SHROOM3: variants seen among roughly 807,000 people sequenced by gnomAD.
The protein encoded by SHROOM3 is protein Shroom3.
In SHROOM3, 47 loss-of-function variants were observed where a neutral mutation model predicts 138.6. That is an observed-to-expected ratio of 0.34 (90% confidence interval 0.27 to 0.43). SHROOM3 has a LOEUF of 0.43. Ranked by LOEUF, SHROOM3 falls within the 20% of genes least tolerant of loss-of-function variation. SHROOM3 has a pLI of 1.00. For synonymous variants in SHROOM3, 1,062 were observed against 1,063.3 expected (o/e 1.00, Z 0.02); for missense variants, 2,491 against 2,596.5 (o/e 0.96, Z 0.88).
chr4:76,533,098 A>C (rs565651308), intron 1 of SHROOM3, among the ~76,000 whole-genome samples: 2 of 152,184 alleles, frequency 1.3e-5, no homozygotes, highest in Non-Finnish European at 2.9e-5. Flanking sequence ...AAACTGATGC[A>C]TTGTTTATTT....
At chr4:76,555,321 A>G (rs933902848) in intron 1 of SHROOM3, among the ~76,000 whole-genome samples, 2 of 151,934 alleles carry the variant, frequency 1.3e-5, no homozygotes, top group African/African-American at 4.8e-5. Context: ...AGATGTCCTG[A>G]GCACCGTGGG....
intron 3 of SHROOM3, among the ~76,000 whole-genome samples, chr4:76,714,964 G>A (rs1720330829): frequency 6.6e-6 from 1 of 152,094 alleles, no homozygotes; most frequent in African/African-American, 2.4e-5. Flanking sequence ...TTGGAAATGT[G>A]GAAAAGGATG....
intron 1 of SHROOM3, among the ~76,000 whole-genome samples, chr4:76,503,492 G>A (rs1305247287): frequency 1.3e-5 from 2 of 152,108 alleles, no homozygotes; most frequent in Admixed American, 6.5e-5. Context: ...ACAGTGGCAT[G>A]ATCTCAGCTC....
chr4:76,722,862 C>T (rs999054048), intron 3 of SHROOM3, among the ~76,000 whole-genome samples: 9 of 151,558 alleles, frequency 5.9e-5, no homozygotes, highest in South Asian at 4.2e-4. Context: ...CATAGTATTG[C>T]GCACTAAACA....
chr4:76,435,784 A>G lies in SHROOM3; in HGVS notation c.-269A>G. The G allele has an allele frequency of 2.3e-6, 1 of 427,784 alleles. No homozygotes were observed. The highest frequency in any genetic ancestry group is 4.2e-5 in the East Asian group (1 of 23,998). The allele number at this position is 427,784 out of a possible 1,614,324, so 26.5% of individuals were successfully genotyped here. ...GGAAGTTTTGACGAACGGAGTAGAG[A>G]TGTATACCACTTGGGGGCTTCAGTG... On this transcript the variant is annotated 5_prime_UTR_variant, in exon 1 of 11. It removes an upstream start codon present in the reference 5' UTR. Coordinates refer to ENST00000296043, the MANE Select transcript of SHROOM3 (RefSeq NM_020859.4).
intron 1 of SHROOM3, among the ~76,000 whole-genome samples, chr4:76,469,720 G>A (rs1731328528): frequency 6.6e-6 from 1 of 152,216 alleles, no homozygotes; most frequent in Admixed American, 6.5e-5. Context: ...GCCTCCCAAA[G>A]TGCTGGGATT....
At chr4:76,609,323 T>C (rs891634127) in intron 2 of SHROOM3, among the ~76,000 whole-genome samples, 1 of 152,186 alleles carries the variant, frequency 6.6e-6, no homozygotes, top group African/African-American at 2.4e-5. Context: ...AGGATCTTGC[T>C]CTGTCAGCCA....
At chr4:76,757,535 G>T (rs1189818553) in intron 8 of SHROOM3, among the ~76,000 whole-genome samples, 3 of 152,228 alleles carry the variant, frequency 2.0e-5, no homozygotes, top group Non-Finnish European at 4.4e-5. Flanking sequence ...ACTGAGAGGG[G>T]AAGGGCTTTG....
chr4:76,752,850 C>T (rs1489658591), intron 6 of SHROOM3, among the ~76,000 whole-genome samples: 1 of 152,160 alleles, frequency 6.6e-6, no homozygotes, highest in East Asian at 1.9e-4. Context: ...ATGTCTTCCC[C>T]TTTAGAAAAG....
At chr4:76,456,640 TC>T (rs1356116575) in intron 1 of SHROOM3, among the ~76,000 whole-genome samples, 1 of 152,228 alleles carries the variant, frequency 6.6e-6, no homozygotes. Context: ...ACTATGTCTA[TC>T]AACTATGGGG....
At chr4:76,628,853 T>C (rs1337759161) in intron 2 of SHROOM3, 1 of 151,962 alleles carries the variant, frequency 6.6e-6, no homozygotes, top group Non-Finnish European at 1.5e-5. Flanking sequence ...TGAATTTTTT[T>C]TTTTTGATAC....
chr4:76,681,594 G>GGGGTGTGTGTGTGTGTGTGTGTGTGT (rs1553936165), intron 2 of SHROOM3, among the ~76,000 whole-genome samples: 19 of 81,060 alleles, frequency 2.3e-4, no homozygotes, highest in African/African-American at 9.1e-4. Context: ...CAGAGTCTAG[G>GGGGTGTGTGTGTGTGTGTGTGTGTGT]GTGTGTGTGT....
chr4:76,606,007 ATTT>A (rs1164704632), intron 2 of SHROOM3, among the ~76,000 whole-genome samples: 372 of 77,640 alleles, frequency 4.8e-3, no homozygotes, highest in Non-Finnish European at 6.7e-3. Flanking sequence ...ATATATATAT[ATTT>A]TTTTTTTTTT....
At chr4:76,481,304 G>T (rs990655059) in intron 1 of SHROOM3, among the ~76,000 whole-genome samples, 4 of 152,032 alleles carry the variant, frequency 2.6e-5, no homozygotes, top group African/African-American at 9.7e-5. Flanking sequence ...GATATCACCA[G>T]TGATCCCACA....
chr4:76,556,789 A>G (rs112567431), intron 2 of SHROOM3, among the ~76,000 whole-genome samples: 2 of 152,216 alleles, frequency 1.3e-5, no homozygotes, highest in Admixed American at 6.5e-5. Context: ...AAAGACCTGC[A>G]TTAATTCATT....
At chr4:76,538,429 G>A (rs1444834784) in intron 1 of SHROOM3, among the ~76,000 whole-genome samples, 1 of 152,140 alleles carries the variant, frequency 6.6e-6, no homozygotes, top group Non-Finnish European at 1.5e-5. Flanking sequence ...AGTACTGGAA[G>A]GACATCTGTG....
chr4:76,557,677 A>G (rs1404327470), intron 2 of SHROOM3, among the ~76,000 whole-genome samples: 2 of 152,248 alleles, frequency 1.3e-5, no homozygotes, highest in African/African-American at 4.8e-5. Flanking sequence ...TGTGGTAATC[A>G]TGACACAGTG....
At chr4:76,483,675 T>C (rs1731666850) in intron 1 of SHROOM3, among the ~76,000 whole-genome samples, 2 of 152,216 alleles carry the variant, frequency 1.3e-5, no homozygotes, top group South Asian at 4.1e-4. Flanking sequence ...TAAATCATTC[T>C]ATAAAGACAC....
intron 2 of SHROOM3, among the ~76,000 whole-genome samples, chr4:76,598,431 A>T (rs756772944): frequency 3.5e-4 from 54 of 152,248 alleles, no homozygotes; most frequent in Non-Finnish European, 5.6e-4. Context: ...CTTTGGAAAG[A>T]TGAACAGGCA....
Sources: allele counts gnomAD v4.1 joint callset (sites outside exome capture counted in the v4.1 genomes callset), GRCh38; gene constraint gnomAD v4.1.1; transcripts MANE v1.5; gene names NCBI Gene and HGNC (gene_info 2026-07-23, HGNC 2026-07-21).